RAB37: variants seen among roughly 807,000 people sequenced by gnomAD.
RAB37 encodes the protein RAB37, member RAS oncogene family.
A neutral mutation model predicts 33.1 loss-of-function variants in RAB37; 29 were observed. The ratio of observed to expected loss-of-function variants is 0.88; its 90% confidence interval spans 0.65 to 1.20. RAB37 has a LOEUF of 1.20. RAB37 is among the 50% of genes most tolerant of loss of function. RAB37 has a pLI of 0.00. For synonymous variants in RAB37, 128 were observed against 119.5 expected (o/e 1.07, Z -0.47); for missense variants, 299 against 301.1 (o/e 0.99, Z 0.05).
intron 1 of RAB37, among the ~76,000 whole-genome samples, chr17:74,690,586 T>C (rs1372389395): frequency 1.3e-5 from 2 of 152,088 alleles, no homozygotes; most frequent in Admixed American, 1.3e-4. Flanking sequence ...TATGAAACAA[T>C]TTCCTTTCCT....
chr17:74,674,677 C>T (rs1282818540), intron 1 of RAB37, among the ~76,000 whole-genome samples: 2 of 151,728 alleles, frequency 1.3e-5, no homozygotes, highest in Admixed American at 6.6e-5. Context: ...GACTCCATCT[C>T]AAAAAAACAA....
intron 5 of RAB37, among the ~76,000 whole-genome samples, chr17:74,743,594 G>A (rs542929265): frequency 3.0e-4 from 46 of 152,256 alleles, no homozygotes; most frequent in African/African-American, 8.9e-4. Context: ...AGTGTGTTTC[G>A]TGACAAAGTG....
At position 74,745,262 on chromosome 17, in the gene RAB37, C is replaced by G. The variant is rs748658195; in HGVS notation, c.567-44C>G. On this transcript the variant is annotated intron_variant, in intron 8 of 8. Coordinates refer to ENST00000392613, the MANE Select transcript of RAB37 (RefSeq NM_001006638.3). This position sits in a 1 kb window ranked among gnomAD's most constrained non-coding sequence, Gnocchi z 4.5. ...GGAGGGGGCGGCTCAGCTCCTCACC[C>G]CAGCCCAGCCCAGCCCAGCCCAGCC... 2 of 1,554,954 alleles carry G rather than the reference C, an allele frequency of 1.3e-6. No individual in the cohort carries two copies. The highest frequency in any genetic ancestry group is 2.2e-5 in the South Asian group (2 of 89,652).
At chr17:74,677,777 G>C (rs2031867400) in intron 1 of RAB37, among the ~76,000 whole-genome samples, 1 of 152,152 alleles carries the variant, frequency 6.6e-6, no homozygotes, top group Admixed American at 6.5e-5. Context: ...GTGCCTGCTA[G>C]TTCTCTTAGG....
At chr17:74,692,302 T>G (rs960665617) in intron 1 of RAB37, among the ~76,000 whole-genome samples, 3 of 152,202 alleles carry the variant, frequency 2.0e-5, no homozygotes, top group African/African-American at 7.2e-5. Flanking sequence ...AGTCTCACTC[T>G]GACCTGACCA....
In RAB37 at chr17:74,744,934, G is replaced by A. The variant is rs1046676453; in HGVS notation, c.489+5G>A. ...GACGGAGAGACCTTGGCCAGGGTAA[G>A]TGATTGTCTGTGGGACAGGGTGAAG... On this transcript the variant is annotated splice_donor_5th_base_variant and intron_variant, in intron 7 of 8. Coordinates refer to ENST00000392613, the MANE Select transcript of RAB37 (RefSeq NM_001006638.3). The surrounding 1 kb of genome is among the most constrained non-coding windows in gnomAD (Gnocchi z 4.2). 2 of 1,614,278 alleles carry A rather than the reference G, an allele frequency of 1.2e-6. No individual in the cohort carries two copies. Among genetic ancestry groups the A allele is most frequent in the Non-Finnish European group, 1.7e-6 (2 of 1,180,042 alleles).
intron 1 of RAB37, 24 bp downstream of exon 1, chr17:74,737,389 C>A (rs1285438742): frequency 4.5e-6 from 7 of 1,538,680 alleles, no homozygotes; most frequent in South Asian, 1.2e-5. Context: ...TTCCGTGAGA[C>A]CCCCGCCCTC....
intron 1 of RAB37, among the ~76,000 whole-genome samples, chr17:74,722,111 A>G (rs1486982878): frequency 6.6e-6 from 1 of 151,894 alleles, no homozygotes; most frequent in Non-Finnish European, 1.5e-5. Context: ...GTGAAACCCC[A>G]TCTCTACCAA....
intron 1 of RAB37, among the ~76,000 whole-genome samples, chr17:74,687,526 G>C (rs2032078036): frequency 6.6e-6 from 1 of 151,992 alleles, no homozygotes; most frequent in South Asian, 2.1e-4. Context: ...ACCCAGCCAA[G>C]TCACCCTTTC....
At chr17:74,702,458 A>G (rs572962513) in intron 1 of RAB37, among the ~76,000 whole-genome samples, 1 of 152,346 alleles carries the variant, frequency 6.6e-6, no homozygotes, top group South Asian at 2.1e-4. Context: ...GTCAAAGAAA[A>G]CAAAATAATG....
rs369668440 is a variant in RAB37 at position 74,730,861 on chromosome 17, C to T, written c.183+1495C>T. Among the ~76,000 whole-genome samples the T allele has an allele frequency of 1.1e-3, 172 of 152,328 alleles. 2 individuals carry two copies. Among genetic ancestry groups the T allele is most frequent in the African/African-American group, 3.7e-3 (152 of 41,568 alleles). On this transcript the variant is annotated intron_variant, in intron 2 of 7. Coordinates refer to the RAB37 transcript ENST00000340415. The surrounding 1 kb of genome is among the most constrained non-coding windows in gnomAD (Gnocchi z 4.4). ...CAGAGGTGAGATCTCCAAATTTTGC[C>T]GCTAGCTTGGCAAGAAAATTGAGGC...
At chr17:74,736,658 G>A (rs2034479365), upstream of RAB37, 25 of 1,535,600 alleles carry the variant, frequency 1.6e-5, no homozygotes, top group East Asian at 5.9e-4. Context: ...AATGAGAGGT[G>A]ATCCATACTA....
At chr17:74,702,277 G>T (rs931912930) in intron 1 of RAB37, among the ~76,000 whole-genome samples, 1 of 152,118 alleles carries the variant, frequency 6.6e-6, no homozygotes. Flanking sequence ...GCAGATGGTT[G>T]GGCAGGGCAC....
intron 1 of RAB37, chr17:74,713,021 G>A: frequency 1.3e-6 from 1 of 778,012 alleles, no homozygotes; most frequent in Non-Finnish European, 2.1e-6. Context: ...GGAAGGAGGT[G>A]GTTGGTTGGG....
At chr17:74,735,029 G>GAAAGAAAGAA (rs2034451192), upstream of RAB37, among the ~76,000 whole-genome samples, 1 of 114,042 alleles carries the variant, frequency 8.8e-6, no homozygotes, top group East Asian at 2.5e-4. Flanking sequence ...AAGAAAGAAA[G>GAAAGAAAGAA]AAAGAAAGAA....
chr17:74,721,182 C>G (rs1166994448), intron 1 of RAB37, among the ~76,000 whole-genome samples: 1 of 152,196 alleles, frequency 6.6e-6, no homozygotes, highest in Non-Finnish European at 1.5e-5. Context: ...AACAGGAATG[C>G]ATGTTCTCAT....
chr17:74,706,343 CTTTT>C (rs765052724), intron 1 of RAB37, among the ~76,000 whole-genome samples: 1 of 135,012 alleles, frequency 7.4e-6, no homozygotes, highest in Non-Finnish European at 1.6e-5. Flanking sequence ...TGTGCCTGGC[CTTTT>C]TTTTTTTTTT....
intron 1 of RAB37, among the ~76,000 whole-genome samples, chr17:74,684,040 C>G (rs973646651): frequency 6.6e-6 from 1 of 152,144 alleles, no homozygotes; most frequent in Admixed American, 6.5e-5. Flanking sequence ...GCTGAAAAAA[C>G]AATAAGTTCA....
At chr17:74,735,315 G>T (rs534135468), upstream of RAB37, among the ~76,000 whole-genome samples, 1 of 152,166 alleles carries the variant, frequency 6.6e-6, no homozygotes. Context: ...CAAGGCAGGC[G>T]TATCGCCTGA....
Sources: allele counts gnomAD v4.1 joint callset (sites outside exome capture counted in the v4.1 genomes callset), GRCh38; gene constraint gnomAD v4.1.1; non-coding constraint Gnocchi (gnomAD v3.1); transcripts MANE v1.5; gene names NCBI Gene and HGNC (gene_info 2026-07-23, HGNC 2026-07-21).